The following PLA2G5 variants were observed in gnomAD, a reference collection of about 807,000 sequenced individuals.
PLA2G5 encodes phospholipase A2 group V, also known as Ca2+-dependent phospholipase A2.
In PLA2G5, 12 loss-of-function variants were observed where a neutral mutation model predicts 15.9. That is an observed-to-expected ratio of 0.76 (90% CI 0.48 to 1.23). The LOEUF is 1.23. PLA2G5 is among the 50% of genes most tolerant of loss of function. The pLI, the probability that PLA2G5 is intolerant of heterozygous loss-of-function variation, is 0.00. For synonymous variants in PLA2G5, 71 were observed against 71.4 expected, an observed-to-expected ratio of 0.99 and a Z score of 0.03; for missense variants, 169 against 177.1, an observed-to-expected ratio of 0.95 and a Z score of 0.26.
intron 1 of PLA2G5, among the ~76,000 whole-genome samples, chr1:20,082,156 G>C (rs1007857402): frequency 4.6e-5 from 7 of 151,946 alleles, no homozygotes; most frequent in Non-Finnish European, 7.4e-5. Context: ...AAGAAGTAAA[G>C]TACACTTGGA....
chr1:20,060,241 TTTC>T (rs1390658031), intron 2 of PLA2G5, among the ~76,000 whole-genome samples: 1 of 134,408 alleles, frequency 7.4e-6, no homozygotes, highest in Non-Finnish European at 1.6e-5. Context: ...GACTTTCTTT[TTTC>T]TTCTTTTTTT....
chr1:20,074,862 T>C (rs4655146), intron 1 of PLA2G5, among the ~76,000 whole-genome samples: 50,227 of 152,112 alleles, frequency 0.33, 9,479 homozygotes, highest in Middle Eastern at 0.44. Context: ...CTTCAGAGAT[T>C]TGGAGACAGA....
chr1:20,062,991 G>A (rs1471005462), intron 2 of PLA2G5, among the ~76,000 whole-genome samples: 3 of 152,120 alleles, frequency 2.0e-5, no homozygotes, highest in African/African-American at 7.2e-5. Flanking sequence ...AAGATCCATG[G>A]ACGTGGGGAA....
At chr1:20,061,030 T>C (rs2014701359) in intron 2 of PLA2G5, among the ~76,000 whole-genome samples, 1 of 152,174 alleles carries the variant, frequency 6.6e-6, no homozygotes, top group Non-Finnish European at 1.5e-5. Context: ...AGCAAGTCTT[T>C]TGTTGCAGCA....
At chr1:20,063,939 C>T (rs2014878531) in intron 2 of PLA2G5, among the ~76,000 whole-genome samples, 1 of 152,230 alleles carries the variant, frequency 6.6e-6, no homozygotes. Context: ...CATGTTCTTA[C>T]TGACCACAAA....
At chr1:20,064,268 TC>T (rs1192009425) in intron 2 of PLA2G5, among the ~76,000 whole-genome samples, 1 of 152,180 alleles carries the variant, frequency 6.6e-6, no homozygotes, top group Non-Finnish European at 1.5e-5. Flanking sequence ...TAGTTCTTCT[TC>T]CTTATTTAGA....
Position 20,090,709 on chromosome 1 carries a change from CCT to C in PLA2G5, c.*19_*20del. The stretch of plus-strand genomic sequence containing the variant: ...TGCTCCTAGGCCTCCCCAGCGAGCT[CCT>C]CCCAGACCAAGACTTTTGTTCTGTT... On this transcript the variant is annotated 3_prime_UTR_variant, in exon 5 of 5. Coordinates refer to ENST00000375108, the MANE Select transcript of PLA2G5 (RefSeq NM_000929.3). The C allele has an allele frequency of 1.2e-6, 2 of 1,613,650 alleles. No individual in the cohort carries two copies. Among genetic ancestry groups the C allele is most frequent in the Non-Finnish European group, 1.7e-6 (2 of 1,179,556 alleles).
upstream of PLA2G5, among the ~76,000 whole-genome samples, chr1:20,069,662 GAA>G (rs1491438376): frequency 5.4e-5 from 6 of 111,002 alleles, no homozygotes; most frequent in African/African-American, 2.1e-4. Flanking sequence ...CCTCAGCTCA[GAA>G]AAGAAAGAAA....
At chr1:20,051,000 G>A (rs985648099) in intron 1 of PLA2G5, among the ~76,000 whole-genome samples, 6 of 152,056 alleles carry the variant, frequency 3.9e-5, no homozygotes, top group Admixed American at 1.3e-4. Flanking sequence ...TATGTTATTG[G>A]TATGTGTTCC....
At chr1:20,081,444 G>C (rs769975081) in intron 1 of PLA2G5, among the ~76,000 whole-genome samples, 1 of 151,954 alleles carries the variant, frequency 6.6e-6, no homozygotes. Flanking sequence ...AGAAGAAGGC[G>C]TGCTTCCACC....
intron 1 of PLA2G5, among the ~76,000 whole-genome samples, chr1:20,071,124 C>G (rs962513373): frequency 1.3e-5 from 2 of 152,104 alleles, no homozygotes; most frequent in African/African-American, 4.8e-5. Context: ...AGGTGTGAGT[C>G]ATTTTTTTTT....
In PLA2G5 at chr1:20,062,622, C is replaced by T. The variant is rs11583230; in HGVS notation, n.337+2930C>T. ...CAGCCTGGGCAACATAGGGAAACCT[C>T]GTTAAGTATTAAAACAAACAAACAA... On this transcript the variant is annotated intron_variant and non_coding_transcript_variant, in intron 2 of 6. Coordinates refer to the PLA2G5 transcript ENST00000460175. Among the ~76,000 whole-genome samples, 200 of 152,182 alleles carry T rather than the reference C, an allele frequency of 1.3e-3. 1 individual carries two copies. The highest frequency in any genetic ancestry group is 4.7e-3 in the African/African-American group (195 of 41,512).
intron 1 of PLA2G5, among the ~76,000 whole-genome samples, chr1:20,084,461 C>G (rs2016186633): frequency 2.0e-5 from 3 of 152,194 alleles, no homozygotes; most frequent in Admixed American, 2.0e-4. Context: ...TAGGTTATAT[C>G]AAGTCCTGCT....
At chr1:20,047,177 G>T (rs1046687813) in intron 1 of PLA2G5, among the ~76,000 whole-genome samples, 1 of 152,140 alleles carries the variant, frequency 6.6e-6, no homozygotes, top group Non-Finnish European at 1.5e-5. Context: ...TATAAGGGCT[G>T]ATTGCCCAGC....
intron 1 of PLA2G5, among the ~76,000 whole-genome samples, chr1:20,075,029 C>T (rs562279696): frequency 5.3e-5 from 8 of 152,294 alleles, no homozygotes; most frequent in Admixed American, 6.5e-5. Flanking sequence ...GTTCTGGGCA[C>T]CACAGTCCTG....
At chr1:20,038,505 C>T (rs1348488401) in intron 1 of PLA2G5, among the ~76,000 whole-genome samples, 4 of 152,148 alleles carry the variant, frequency 2.6e-5, no homozygotes, top group Non-Finnish European at 5.9e-5. Context: ...AAATTCATTT[C>T]AGCTCTAGGT....
At chr1:20,035,764 T>C (rs1457460606) in intron 1 of PLA2G5, among the ~76,000 whole-genome samples, 1 of 152,234 alleles carries the variant, frequency 6.6e-6, no homozygotes, top group African/African-American at 2.4e-5. Flanking sequence ...TTTGTTGTGC[T>C]AGATGTTGCC....
intron 1 of PLA2G5, among the ~76,000 whole-genome samples, chr1:20,049,713 G>A (rs1014784421): frequency 6.6e-6 from 1 of 152,158 alleles, no homozygotes; most frequent in Non-Finnish European, 1.5e-5. Context: ...GGCCTCCCCA[G>A]CCATATGGAA....
At chr1:20,064,857 G>C (rs2014935294) in intron 2 of PLA2G5, among the ~76,000 whole-genome samples, 2 of 152,084 alleles carry the variant, frequency 1.3e-5, no homozygotes, top group Admixed American at 6.5e-5. Flanking sequence ...AATCACCAGG[G>C]AGCTTGTTAA....
Sources: gnomAD v4.1 joint callset for allele counts (sites outside exome capture counted in the v4.1 genomes callset) on GRCh38, gnomAD v4.1.1 for gene constraint, MANE v1.5 for transcripts, NCBI Gene and HGNC (gene_info 2026-07-23, HGNC 2026-07-21) for gene names.